Variants in SLC43A1 observed in about 807,000 individuals in gnomAD.
SLC43A1 encodes the protein solute carrier family 43 member 1.
A neutral mutation model predicts 59.5 loss-of-function variants in SLC43A1; 31 were observed. The ratio of observed to expected loss-of-function variants is 0.52; its 90% confidence interval spans 0.39 to 0.70. The LOEUF is 0.70. Among genes scored for constraint, SLC43A1 ranks in the 30% least tolerant of loss-of-function variants. The probability of loss-of-function intolerance (pLI) is 0.00; values close to 1 mark genes in which losing one functional copy is unlikely to be tolerated. For synonymous variants in SLC43A1, 259 were observed against 290.9 expected, an observed-to-expected ratio of 0.89 and a Z score of 1.12; for missense variants, 598 against 717.8, an observed-to-expected ratio of 0.83 and a Z score of 1.91.
Position 57,513,891 on chromosome 11 carries a change from T to G in SLC43A1, c.154+67A>C, listed in dbSNP as rs1460903020. 6 of 1,342,002 alleles carry G rather than the reference T, an allele frequency of 4.5e-6. No homozygotes were observed. In the East Asian group the frequency reaches 1.5e-4, roughly 34 times the overall value. 83.1% of individuals were successfully genotyped at this position (1,342,002 alleles called of 1,614,324 possible). ...TTCTGTCCACCTGGCCACCTAACCT[T>G]TTCTGGCTTCCACCTGCCCCTTTGC... On this transcript the variant is annotated intron_variant, in intron 2 of 14. Transcript: ENST00000278426.
At chr11:57,505,268 T>C (rs1400791937) in intron 2 of SLC43A1, among the ~76,000 whole-genome samples, 4 of 152,182 alleles carry the variant, frequency 2.6e-5, no homozygotes, top group African/African-American at 4.8e-5. Flanking sequence ...TCCCAGCACT[T>C]TGGGAAGCCA....
At chr11:57,505,526 C>CAA (rs143644830) in intron 2 of SLC43A1, among the ~76,000 whole-genome samples, 31 of 151,142 alleles carry the variant, frequency 2.1e-4, no homozygotes, top group African/African-American at 6.6e-4. Flanking sequence ...AAACTAACAA[C>CAA]AACAAAAAAA....
intron 9 of SLC43A1, 44 bp downstream of exon 9, chr11:57,491,672 C>G: frequency 6.2e-7 from 1 of 1,614,202 alleles, no homozygotes; most frequent in Non-Finnish European, 8.5e-7. Flanking sequence ...GCCAGGGTGA[C>G]CCGCCTGTGC....
At chr11:57,499,326 CA>C (rs5792045) in intron 5 of SLC43A1, among the ~76,000 whole-genome samples, 34 of 141,728 alleles carry the variant, frequency 2.4e-4, no homozygotes, top group Admixed American at 2.8e-4. Flanking sequence ...TCCGTCTCAA[CA>C]AAAAAAAAAA....
intron 10 of SLC43A1, 23 bp downstream of exon 10, chr11:57,491,568 G>A (rs369228611): frequency 6.2e-5 from 100 of 1,613,784 alleles, no homozygotes; most frequent in Middle Eastern, 5.0e-4. Context: ...GCGTGAGCCA[G>A]GGCCCTGCTT....
At chr11:57,495,751 C>A (rs899158744) in intron 7 of SLC43A1, among the ~76,000 whole-genome samples, 4 of 151,990 alleles carry the variant, frequency 2.6e-5, no homozygotes, top group Non-Finnish European at 5.9e-5. Flanking sequence ...TTGAGCCCAG[C>A]AGTTTTAGGT....
At position 57,494,008 on chromosome 11, in the gene SLC43A1, C is replaced by G; in HGVS notation, c.856G>C (p.Glu286Gln). The G allele has an allele frequency of 6.3e-7, 1 of 1,595,514 alleles. No homozygotes were observed. The highest frequency in any genetic ancestry group is 1.1e-5 in the South Asian group (1 of 88,408). Reference protein sequence around the residue: ...MSPQDVRGTSENLPERSVPLR... With the variant: ...MSPQDVRGTSQNLPERSVPLR... ...AGACACTCACTCTCAGGAAGGTTTT[C>G]TGAGGTGCCCCGAACATCCTGGGGT... The change falls in exon 8 of 15, where the codon GAA (glutamate) becomes CAA (glutamine). Residue 286 changes from glutamate (E) to glutamine (Q), a missense_variant. Glu to Gln is a conservative substitution (Grantham distance 29). Transcript: ENST00000278426.
intron 13 of SLC43A1, among the ~76,000 whole-genome samples, chr11:57,487,811 G>A (rs968810240): frequency 3.3e-5 from 5 of 152,066 alleles, no homozygotes; most frequent in Non-Finnish European, 7.4e-5. Context: ...AAGAAGGAGA[G>A]AAGGTAAGAT....
intron 8 of SLC43A1, among the ~76,000 whole-genome samples, chr11:57,492,534 G>T (rs1392172250): frequency 6.3e-5 from 4 of 63,430 alleles, no homozygotes; most frequent in African/African-American, 2.8e-4. Flanking sequence ...ATATAATTTT[G>T]TGTATATATA....
chr11:57,500,707 C>G, intron 5 of SLC43A1, 72 bp downstream of exon 5: 1 of 1,361,368 alleles, frequency 7.3e-7, no homozygotes. Context: ...TTCATACTGC[C>G]CTCACCCCAC....
intron 14 of SLC43A1, among the ~76,000 whole-genome samples, chr11:57,486,784 G>A (rs1341295599): frequency 1.3e-5 from 2 of 151,736 alleles, no homozygotes; most frequent in African/African-American, 4.8e-5. Context: ...ACTCCAGCCT[G>A]GGCAACAGAA....
chr11:57,507,809 G>C (rs192248304), intron 2 of SLC43A1, among the ~76,000 whole-genome samples: 20 of 152,254 alleles, frequency 1.3e-4, no homozygotes, highest in African/African-American at 3.9e-4. Flanking sequence ...ATCCAGAGAA[G>C]ATAAGGTCAC....
intron 11 of SLC43A1, among the ~76,000 whole-genome samples, chr11:57,490,218 A>G (rs1212498540): frequency 6.6e-6 from 1 of 151,926 alleles, no homozygotes; most frequent in Non-Finnish European, 1.5e-5. Flanking sequence ...CTGAGGCAGG[A>G]GAATCGCTTG....
chr11:57,510,182 C>T (rs1296797710), intron 2 of SLC43A1, among the ~76,000 whole-genome samples: 1 of 151,962 alleles, frequency 6.6e-6, no homozygotes, highest in Non-Finnish European at 1.5e-5. Flanking sequence ...GCAGGCCGGG[C>T]GCGGTGGCTC....
chr11:57,513,417 G>C (rs1034811929), intron 2 of SLC43A1, among the ~76,000 whole-genome samples: 3 of 152,236 alleles, frequency 2.0e-5, no homozygotes, highest in African/African-American at 4.8e-5. Flanking sequence ...AAGAGTGTTA[G>C]AATTCCCACT....
In SLC43A1 at chr11:57,512,494, A is replaced by G. The variant is rs148401502; in HGVS notation, c.154+1464T>C. On this transcript the variant is annotated intron_variant, in intron 2 of 14. Coordinates refer to ENST00000278426, the MANE Select transcript of SLC43A1 (RefSeq NM_003627.6). ...AGGGGGAGAAGGTTGCAGTGAGCGA[A>G]GATCATGCCAATGCACTCCAGCCTG... Among the ~76,000 whole-genome samples, 444 of 151,846 alleles carry G rather than the reference A, an allele frequency of 2.9e-3. 4 individuals are homozygous for G. Among genetic ancestry groups the G allele is most frequent in the African/African-American group, 0.01 (425 of 41,356 alleles).
intron 8 of SLC43A1, among the ~76,000 whole-genome samples, chr11:57,492,583 A>G (rs1347089872): frequency 3.1e-5 from 4 of 129,282 alleles, no homozygotes; most frequent in Admixed American, 8.5e-5. Flanking sequence ...TAAAAAAATA[A>G]GCCAGGCATG....
At chr11:57,502,381 T>C (rs189954640) in intron 2 of SLC43A1, among the ~76,000 whole-genome samples, 3 of 152,260 alleles carry the variant, frequency 2.0e-5, no homozygotes, top group Admixed American at 1.3e-4. Context: ...ACGACCTCCT[T>C]AGGAGGATTA....
chr11:57,497,639 G>A, intron 6 of SLC43A1, 114 bp downstream of exon 6: 1 of 704,096 alleles, frequency 1.4e-6, no homozygotes, highest in Admixed American at 2.6e-5. Context: ...TTGGGATGAT[G>A]ACAGAGAAAG....
Sources: gnomAD v4.1 joint callset for allele counts (sites outside exome capture counted in the v4.1 genomes callset) on GRCh38, gnomAD v4.1.1 for gene constraint, MANE v1.5 for transcripts, NCBI Gene and HGNC (gene_info 2026-07-23, HGNC 2026-07-21) for gene names.